ROCK2: variants seen among roughly 807,000 people sequenced by gnomAD.
ROCK2 encodes rho-associated protein kinase 2.
Under a neutral mutation model 195.1 loss-of-function variants are expected in ROCK2, and 61 were observed. The observed-to-expected ratio is 0.31, with a 90% confidence interval of 0.25 to 0.39. ROCK2 has a LOEUF of 0.39. Ranked by LOEUF, ROCK2 falls within the 10% of genes least tolerant of loss-of-function variation. ROCK2 has a pLI of 1.00. For missense variants in ROCK2, 1,109 were observed against 1,637.4 expected, an observed-to-expected ratio of 0.68 and a Z score of 5.57; for synonymous variants, 504 against 545.5, an observed-to-expected ratio of 0.92 and a Z score of 1.06.
chr2:11,227,012 T>G (rs1014286861), intron 6 of ROCK2, among the ~76,000 whole-genome samples: 16 of 151,942 alleles, frequency 1.1e-4, no homozygotes, highest in Non-Finnish European at 2.4e-4. Flanking sequence ...CAAAAATGTC[T>G]GATATATTTT....
chr2:11,216,850 G>C (rs1016915457), intron 12 of ROCK2, among the ~76,000 whole-genome samples: 1 of 152,040 alleles, frequency 6.6e-6, no homozygotes, highest in Non-Finnish European at 1.5e-5. Context: ...TGGCCTCCCA[G>C]GTAGCTGGGA....
intron 27 of ROCK2, among the ~76,000 whole-genome samples, chr2:11,196,798 GAGA>G (rs1436660556): frequency 6.6e-6 from 1 of 152,158 alleles, no homozygotes; most frequent in Non-Finnish European, 1.5e-5. Context: ...GCAATATTGA[GAGA>G]AGTAGAGGAA....
chr2:11,307,996 G>T, intron 1 of ROCK2: 2 of 1,522,846 alleles, frequency 1.3e-6, no homozygotes, highest in South Asian at 2.5e-5. Flanking sequence ...CTGGGGTAGG[G>T]GCAGGAGGGG....
At chr2:11,222,430 T>TG (rs1664667913) in intron 7 of ROCK2, among the ~76,000 whole-genome samples, 1 of 152,142 alleles carries the variant, frequency 6.6e-6, no homozygotes, top group African/African-American at 2.4e-5. Context: ...TTGCATCAAA[T>TG]GAAAGTACGT....
At chr2:11,261,615 G>A (rs1352252632) in intron 3 of ROCK2, among the ~76,000 whole-genome samples, 8 of 152,220 alleles carry the variant, frequency 5.3e-5, no homozygotes, top group African/African-American at 1.2e-4. Context: ...TCAGCAGTTC[G>A]AGACCAGCCT....
chr2:11,181,181 A>AATATAT lies in ROCK2; in HGVS notation c.*2250_*2255dup, dbSNP rs71393855. On this transcript the variant is annotated 3_prime_UTR_variant, in exon 33 of 33. Transcript: ENST00000315872. ...TTTCACCTTAATAAAGTTTATTAAA[A>AATATAT]ATATATATATATATATATATATATA... 484 of 136,134 alleles carry AATATAT rather than the reference A, an allele frequency of 3.6e-3. No individual in the cohort carries two copies. The highest frequency in any genetic ancestry group is 7.7e-3 in the Middle Eastern group (2 of 260). 8.4% of individuals were successfully genotyped at this position (136,134 alleles called of 1,614,324 possible).
At chr2:11,282,081 T>C (rs1487169424) in intron 3 of ROCK2, among the ~76,000 whole-genome samples, 1 of 152,230 alleles carries the variant, frequency 6.6e-6, no homozygotes, top group African/African-American at 2.4e-5. Context: ...TCAGGTGCAG[T>C]GGCTCGCACC....
At chr2:11,256,900 TG>T (rs1404011196) in intron 3 of ROCK2, among the ~76,000 whole-genome samples, 1 of 151,336 alleles carries the variant, frequency 6.6e-6, no homozygotes, top group Non-Finnish European at 1.5e-5. Context: ...TAATACCCCA[TG>T]GTCTTAGTTT....
Position 11,344,231 on chromosome 2 carries a change from A to C in ROCK2, c.-95T>G. On this transcript the variant is annotated 5_prime_UTR_variant, in exon 1 of 33. Coordinates refer to ENST00000315872, the MANE Select transcript of ROCK2 (RefSeq NM_004850.5). This position sits in a 1 kb window ranked among gnomAD's most constrained non-coding sequence, Gnocchi z 5.4. ...CCCCGAACCACCAGCTCCGGCCGGG[A>C]CTCCACCCGGGCCCACCGCCTGCCT... The C allele has an allele frequency of 7.7e-7, 1 of 1,304,352 alleles. No homozygotes were observed. The allele number at this position is 1,304,352 out of a possible 1,614,324, so 80.8% of individuals were successfully genotyped here.
In ROCK2 at chr2:11,192,143, A is replaced by T; in HGVS notation, c.4163+5T>A. The T allele has an allele frequency of 6.4e-7, 1 of 1,559,112 alleles. No homozygotes were observed. The highest frequency in any genetic ancestry group is 8.7e-7 in the Non-Finnish European group (1 of 1,152,886). ...TTTTTTCCTTACCACATTTTAGTTT[A>T]TTACCTAGGTTTGTTTGGGGCAAGC... On this transcript the variant is annotated splice_donor_5th_base_variant and intron_variant, in intron 32 of 32. Coordinates refer to ENST00000315872, the MANE Select transcript of ROCK2 (RefSeq NM_004850.5). The surrounding 1 kb of genome is among the most constrained non-coding windows in gnomAD (Gnocchi z 5.0).
At chr2:11,221,137 C>G in intron 9 of ROCK2, 61 bp downstream of exon 9, 1 of 1,261,874 alleles carries the variant, frequency 7.9e-7, no homozygotes, top group East Asian at 2.7e-5. Flanking sequence ...CTCAAAATAA[C>G]ACATCATCTT....
In ROCK2 at chr2:11,286,676, C is replaced by T. The variant is rs562616046; in HGVS notation, c.224-37G>A. ...AGATCACCATACTTATAATATCAAT[C>T]ATATTTATATTTTTACATAATCAAC... is the stretch of plus-strand genomic sequence containing the variant. On this transcript the variant is annotated intron_variant, in intron 2 of 32. Coordinates refer to ENST00000315872, the MANE Select transcript of ROCK2 (RefSeq NM_004850.5). 7.5e-5 allele frequency: 81 copies of T among 1,086,634 alleles called. No homozygotes were observed. The Middle Eastern group carries it at 1.5e-3, about 20-fold the overall frequency. 67.3% of individuals were successfully genotyped at this position (1,086,634 alleles called of 1,614,324 possible). A position where few individuals can be genotyped will look rare whatever the true frequency, so the allele number is the denominator to read the frequency against.
Position 11,296,859 on chromosome 2 carries a change from G to A in ROCK2, c.142-9123C>T, listed in dbSNP as rs189386046. On this transcript the variant is annotated intron_variant, in intron 1 of 32. Coordinates refer to ENST00000315872, the MANE Select transcript of ROCK2 (RefSeq NM_004850.5). The stretch of plus-strand genomic sequence containing the variant: ...GTGATGCCAAATGAAACAAAGGTTA[G>A]GTACTAGTCACTGTAACTCCTTTTG... 3.3e-5 allele frequency among the ~76,000 whole-genome samples: 5 copies of A among 151,780 alleles called. No homozygotes were observed. The East Asian group carries it at 7.7e-4, about 23-fold the overall frequency.
intron 1 of ROCK2, among the ~76,000 whole-genome samples, chr2:11,342,874 G>A (rs1483940438): frequency 6.6e-6 from 1 of 152,178 alleles, no homozygotes; most frequent in East Asian, 1.9e-4. Flanking sequence ...AAACAGGACT[G>A]AGTCACTCTG....
intron 1 of ROCK2, among the ~76,000 whole-genome samples, chr2:11,294,380 T>A (rs1000221091): frequency 6.6e-6 from 1 of 152,174 alleles, no homozygotes; most frequent in Non-Finnish European, 1.5e-5. Flanking sequence ...TTATATAACA[T>A]CTCCTTATTT....
chr2:11,326,290 C>T (rs1404034823), intron 1 of ROCK2, among the ~76,000 whole-genome samples: 1 of 151,556 alleles, frequency 6.6e-6, no homozygotes, highest in East Asian at 1.9e-4. Flanking sequence ...GCAAAGGAGC[C>T]TAAGGAGAAA....
chr2:11,252,640 T>C (rs1304340586), intron 3 of ROCK2, among the ~76,000 whole-genome samples: 2 of 152,094 alleles, frequency 1.3e-5, no homozygotes, highest in South Asian at 2.1e-4. Context: ...GATGAGTTCA[T>C]GTCCTCTGCA....
intron 32 of ROCK2, among the ~76,000 whole-genome samples, chr2:11,188,693 G>A (rs970234382): frequency 2.0e-5 from 3 of 150,376 alleles, no homozygotes; most frequent in East Asian, 2.0e-4. Context: ...GCGTGATCTC[G>A]GCTCACTACA....
At chr2:11,264,363 C>G (rs1324716033) in intron 3 of ROCK2, among the ~76,000 whole-genome samples, 2 of 151,268 alleles carry the variant, frequency 1.3e-5, no homozygotes, top group Non-Finnish European at 1.5e-5. Context: ...AGAAACAGGA[C>G]TTACTGAAAA....
Sources: gnomAD v4.1 joint callset for allele counts (sites outside exome capture counted in the v4.1 genomes callset) on GRCh38, gnomAD v4.1.1 for gene constraint, Gnocchi (gnomAD v3.1) non-coding constraint, MANE v1.5 for transcripts, NCBI Gene and HGNC (gene_info 2026-07-23, HGNC 2026-07-21) for gene names.